The following COL4A4 variants were observed in gnomAD, a reference collection of about 807,000 sequenced individuals.
COL4A4 encodes collagen type IV alpha 4 chain, also known as collagen alpha-4(IV) chain.
In COL4A4, 105 loss-of-function variants were observed where a neutral mutation model predicts 192.9. The ratio of observed to expected loss-of-function variants is 0.54; its 90% CI spans 0.46 to 0.64. The LOEUF is 0.64. COL4A4 is among the 30% of genes least tolerant of loss of function. The pLI is 0.00. For missense variants in COL4A4, 1,967 were observed against 2,169.3 expected (o/e 0.91, Z 1.85); for synonymous variants, 762 against 769.9 (o/e 0.99, Z 0.17).
rs936268538 is a variant in COL4A4, at chr2:227,051,234, C to G, written c.2969-76G>C. 9.5e-6 allele frequency: 14 copies of G among 1,474,904 alleles called. No homozygotes were observed. The African/African-American group carries it at 1.8e-4, about 19-fold the overall frequency. The allele number at this position is 1,474,904 out of a possible 1,614,324, so 91.4% of individuals were successfully genotyped here. On this transcript the variant is annotated intron_variant, in intron 32 of 47. Coordinates refer to ENST00000396625, the MANE Select transcript of COL4A4 (RefSeq NM_000092.5). ...AATAGTTAAGCTGAGGGACCTGGTC[C>G]TACTTTTAGGAGATAAAGCCAAAGG...
chr2:227,073,070 A>G (rs771513598), intron 25 of COL4A4, among the ~76,000 whole-genome samples: 1 of 152,048 alleles, frequency 6.6e-6, no homozygotes, highest in Non-Finnish European at 1.5e-5. Flanking sequence ...AGAAATAAAT[A>G]AACAGCATCA....
chr2:227,015,029 G>C (rs1964584543), intron 44 of COL4A4, among the ~76,000 whole-genome samples: 1 of 151,684 alleles, frequency 6.6e-6, no homozygotes, highest in Non-Finnish European at 1.5e-5. Flanking sequence ...CTCCTGAGTA[G>C]CTGGGACTAC....
rs555333692 is a variant in COL4A4, at chr2:227,022,071, C to A, written c.4193G>T (p.Gly1398Val). 6.2e-7 allele frequency: 1 copy of A among 1,613,952 alleles called. No individual in the cohort carries two copies. Among genetic ancestry groups the A allele is most frequent in the East Asian group, 2.2e-5 (1 of 44,872 alleles). ...RGPEGAMGLP[G>V]MRGPSGPGCK... Reference sequence around the variant, plus strand: ...ACCTGGTCCTGAGGGGCCTCTCATTCCAGGGAGCCCCATGGCTCCTTCTGG... The same window carrying A: ...ACCTGGTCCTGAGGGGCCTCTCATTACAGGGAGCCCCATGGCTCCTTCTGG... The change falls in exon 44 of 48, where the codon GGA becomes GTA. Residue 1398 changes from glycine (G) to valine (V), a missense_variant. Physicochemically the swap from Gly to Val is moderately radical, Grantham distance 109. Coordinates refer to ENST00000396625, the MANE Select transcript of COL4A4 (RefSeq NM_000092.5).
intron 44 of COL4A4, among the ~76,000 whole-genome samples, chr2:227,014,648 G>A (rs892761055): frequency 5.9e-5 from 9 of 152,190 alleles, no homozygotes; most frequent in Non-Finnish European, 1.0e-4. Flanking sequence ...GGCTTATGTG[G>A]TAGAGCCAGA....
chr2:227,106,772 G>A (rs1433937107), intron 12 of COL4A4, among the ~76,000 whole-genome samples: 2 of 152,140 alleles, frequency 1.3e-5, no homozygotes, highest in South Asian at 2.1e-4. Flanking sequence ...CGCCATGTTC[G>A]CCAGGCTGGT....
intron 4 of COL4A4, among the ~76,000 whole-genome samples, chr2:227,132,794 A>T (rs1263722446): frequency 7.4e-6 from 1 of 134,890 alleles, no homozygotes; most frequent in Non-Finnish European, 1.7e-5. Context: ...AAATAAACAA[A>T]AAAAAGATTG....
intron 37 of COL4A4, among the ~76,000 whole-genome samples, chr2:227,041,848 G>GAGAAAGAAAGAAAGAAAGAAAGAA (rs71036154): frequency 2.6e-5 from 1 of 38,736 alleles, no homozygotes; most frequent in Non-Finnish European, 4.7e-5. Context: ...AAGAAAGAAA[G>GAGAAAGAAAGAAAGAAAGAAAGAA]AGAAAGAAAG....
chr2:226,969,367 A>G, the COL4A4 span, among the ~76,000 whole-genome samples: 1 of 141,930 alleles, frequency 7.0e-6, no homozygotes, highest in African/African-American at 2.6e-5. Flanking sequence ...AGCAATAGCC[A>G]TTTGCTCTGG....
chr2:227,147,694 A>C (rs2063636940), intron 1 of COL4A4, 110 bp from the exon 2 acceptor site: 2 of 497,024 alleles, frequency 4.0e-6, no homozygotes, highest in Non-Finnish European at 7.3e-6. Context: ...TAACTTCAAC[A>C]ATCTTTCCTT....
intron 19 of COL4A4, among the ~76,000 whole-genome samples, chr2:227,096,667 T>G (rs1206589088): frequency 1.3e-5 from 2 of 152,348 alleles, no homozygotes; most frequent in East Asian, 3.9e-4. Flanking sequence ...CCCAAGGTCT[T>G]GTTTTACAGA....
the COL4A4 span, among the ~76,000 whole-genome samples, chr2:226,977,629 A>G: frequency 6.6e-6 from 1 of 152,248 alleles, no homozygotes; most frequent in Non-Finnish European, 1.5e-5. Flanking sequence ...AGGGAGAAGC[A>G]TAATAGTTGT....
intron 25 of COL4A4, among the ~76,000 whole-genome samples, chr2:227,067,748 G>T (rs1559541339): frequency 6.6e-6 from 1 of 152,060 alleles, no homozygotes. Context: ...AGCACTAAAT[G>T]CCCTCAAGAG....
chr2:226,985,749 C>G, the COL4A4 span, among the ~76,000 whole-genome samples: 66,074 of 152,066 alleles, frequency 0.43, 14,464 homozygotes, highest in South Asian at 0.56. Context: ...GTTAGCAGAC[C>G]CCACTTCACC....
Position 227,147,461 on chromosome 2 carries a change from A to G in COL4A4, c.23T>C (p.Leu8Pro). 1.2e-6 allele frequency: 2 copies of G among 1,613,836 alleles called. No homozygotes were observed. The highest frequency in any genetic ancestry group is 1.7e-6 in the Non-Finnish European group (2 of 1,179,806). Residue 8 changes from leucine to proline, a missense_variant, in exon 2 of 48, where the codon CTA becomes CCA. Leu to Pro is a moderately conservative substitution (Grantham distance 98). Coordinates refer to ENST00000396625, the MANE Select transcript of COL4A4 (RefSeq NM_000092.5). ...GGTCAATCTGAAGGAGCACCTCATT[A>G]GTACTATGTGCAGAGACCACATCGC... MWSLHIVLMRCSFRLTKS... is the reference protein window; with the variant it reads MWSLHIVPMRCSFRLTKS...
At chr2:226,969,993 C>CA in the COL4A4 span, among the ~76,000 whole-genome samples, 3 of 116,152 alleles carry the variant, frequency 2.6e-5, no homozygotes, top group African/African-American at 6.4e-5. Flanking sequence ...CAACTGTCCC[C>CA]CCCCCCTTAA....
intron 25 of COL4A4, among the ~76,000 whole-genome samples, chr2:227,076,171 C>T (rs1422223134): frequency 6.6e-6 from 1 of 151,994 alleles, no homozygotes; most frequent in Non-Finnish European, 1.5e-5. Flanking sequence ...AAAAAGAGCC[C>T]ATATAGCCAA....
downstream of COL4A4, among the ~76,000 whole-genome samples, chr2:227,000,893 A>T (rs1231701143): frequency 6.6e-6 from 1 of 152,054 alleles, no homozygotes; most frequent in East Asian, 1.9e-4. Flanking sequence ...GCTTCCCTGC[A>T]CAAGCTCTCT....
chr2:227,009,690 T>C (rs1575707230), intron 46 of COL4A4, among the ~76,000 whole-genome samples: 1 of 115,314 alleles, frequency 8.7e-6, no homozygotes. Flanking sequence ...AGAGCAAGAC[T>C]CCATCTCAAA....
intron 46 of COL4A4, among the ~76,000 whole-genome samples, chr2:227,008,963 T>C (rs1962847716): frequency 6.6e-6 from 1 of 152,106 alleles, no homozygotes; most frequent in African/African-American, 2.4e-5. Context: ...AGTTTTAAGA[T>C]GTGTGCTCTG....
Sources: allele counts gnomAD v4.1 joint callset (sites outside exome capture counted in the v4.1 genomes callset), GRCh38; gene constraint gnomAD v4.1.1; transcripts MANE v1.5; gene names NCBI Gene and HGNC (gene_info 2026-07-23, HGNC 2026-07-21).